Variants in NMT1 observed in about 807,000 individuals in gnomAD.
The protein encoded by NMT1 is N-myristoyltransferase 1.
In NMT1, 12 loss-of-function variants were observed where a neutral mutation model predicts 63.4. The ratio of observed to expected loss-of-function variants is 0.19; its 90% confidence interval spans 0.12 to 0.31. The LOEUF (loss-of-function observed/expected upper bound fraction) is 0.31, where lower values mean the gene tolerates loss of function less well. Among genes scored for constraint, NMT1 ranks in the 10% least tolerant of loss-of-function variants. NMT1 has a pLI of 1.00. For missense variants in NMT1, 432 were observed against 634.6 expected (o/e 0.68, Z 3.43); for synonymous variants, 228 against 234.3 (o/e 0.97, Z 0.25).
chr17:45,086,678 C>G (rs530826316), intron 3 of NMT1, 26 bp downstream of exon 3: 3 of 1,589,836 alleles, frequency 1.9e-6, no homozygotes, highest in Non-Finnish European at 2.6e-6. Flanking sequence ...CTTTCTTTGC[C>G]AGGTCAGGGG....
intron 3 of NMT1, 166 bp from the exon 4 acceptor site, chr17:45,093,519 G>T: frequency 3.4e-6 from 2 of 592,682 alleles, no homozygotes; most frequent in Non-Finnish European, 6.0e-6. Context: ...TCAGTTAGGG[G>T]CTAAGGGTAG....
At chr17:45,063,073 C>T (rs768271309) in intron 1 of NMT1, among the ~76,000 whole-genome samples, 2 of 151,770 alleles carry the variant, frequency 1.3e-5, no homozygotes, top group Non-Finnish European at 2.9e-5. Context: ...GGCGTGGTGG[C>T]GGGCGCCTGT....
At chr17:45,091,496 A>G (rs868431079) in intron 3 of NMT1, among the ~76,000 whole-genome samples, 2 of 152,182 alleles carry the variant, frequency 1.3e-5, no homozygotes, top group Non-Finnish European at 2.9e-5. Context: ...TTTTAGTACA[A>G]TAGGGAAGAC....
rs577385864 is a variant in NMT1, at chr17:45,085,944, C to G, written c.241-564C>G. ...TCAAGCAATTCTCGTGTCTCAGCCT[C>G]CTGAGTAGCTGGGATTACAGGGACA... On this transcript the variant is annotated intron_variant, in intron 2 of 11. Coordinates refer to ENST00000258960, the MANE Select transcript of NMT1 (RefSeq NM_021079.5). Among the ~76,000 whole-genome samples, 4 of 151,858 alleles carry G rather than the reference C, an allele frequency of 2.6e-5. No homozygotes were observed. In the South Asian group the frequency reaches 8.3e-4, roughly 32 times the overall value.
In NMT1 at chr17:45,097,128, G is replaced by A; in HGVS notation, c.597G>A (p.Trp199Ter). 1 of 1,613,850 alleles carries A rather than the reference G, an allele frequency of 6.2e-7. No individual in the cohort carries two copies. Among genetic ancestry groups the A allele is most frequent in the Non-Finnish European group, 8.5e-7 (1 of 1,179,720 alleles). The change falls in exon 6 of 12, where the codon TGG (tryptophan) becomes TGA (stop). Residue 199 changes from tryptophan to a stop codon, truncating the protein, a stop_gained and splice_region_variant. Coordinates refer to ENST00000258960, the MANE Select transcript of NMT1 (RefSeq NM_021079.5). LOFTEE classifies it high-confidence loss of function. Reference protein sequence around the residue: ...RFDYSPEFLLWALRPPGWLPQ... With the variant: ...RFDYSPEFLL ...AACCACCCCAGCCTCTCTTTTCCAG[G>A]GCTCTCCGGCCACCCGGCTGGCTCC...
Position 45,086,216 on chromosome 17 carries a change from C to G in NMT1, c.241-292C>G, listed in dbSNP as rs1468751839. ...TCGGTTCACTGCATCCTCTGCCTCC[C>G]AGGTTCAAGTGATTCTCCTGCCTCA... On this transcript the variant is annotated intron_variant, in intron 2 of 11. Coordinates refer to ENST00000258960, the MANE Select transcript of NMT1 (RefSeq NM_021079.5). 2.6e-5 allele frequency among the ~76,000 whole-genome samples: 4 copies of G among 151,208 alleles called. No individual in the cohort carries two copies. In the East Asian group the frequency reaches 5.8e-4, roughly 22 times the overall value.
At chr17:45,061,963 A>G (rs2053865457) in intron 1 of NMT1, 1 of 152,732 alleles carries the variant, frequency 6.5e-6, no homozygotes, top group Admixed American at 6.5e-5. Context: ...CAAAATATAA[A>G]CTCACCTTAT....
intron 1 of NMT1, among the ~76,000 whole-genome samples, chr17:45,069,771 C>T (rs1424142227): frequency 6.6e-6 from 1 of 151,950 alleles, no homozygotes; most frequent in Non-Finnish European, 1.5e-5. Flanking sequence ...TATGGACGTT[C>T]CCAAACTTGG....
At chr17:45,101,395 C>T (rs1367187572) in intron 8 of NMT1, among the ~76,000 whole-genome samples, 7 of 150,492 alleles carry the variant, frequency 4.7e-5, no homozygotes, top group South Asian at 4.2e-4. Flanking sequence ...CAGGACAAGG[C>T]GGGTGGATCA....
rs1366718155 is a variant in NMT1, at chr17:45,108,646, G to C, written c.*3007G>C. 2.0e-5 allele frequency: 3 copies of C among 152,578 alleles called. No individual in the cohort carries two copies. Among genetic ancestry groups the C allele is most frequent in the Non-Finnish European group, 4.4e-5 (3 of 68,064 alleles). The allele number at this position is 152,578 out of a possible 1,614,324, so 9.5% of individuals were successfully genotyped here. On this transcript the variant is annotated 3_prime_UTR_variant, in exon 12 of 12. Transcript: ENST00000258960. Reference sequence around the variant, plus strand: ...TTAGATCAGGGGAGGGAGCAGGAGTGTCCCTCCCGTCAGTGCCTACCCACC... The same window carrying C: ...TTAGATCAGGGGAGGGAGCAGGAGTCTCCCTCCCGTCAGTGCCTACCCACC...
At chr17:45,087,643 C>T (rs902476305) in intron 3 of NMT1, among the ~76,000 whole-genome samples, 2 of 152,160 alleles carry the variant, frequency 1.3e-5, no homozygotes, top group East Asian at 1.9e-4. Context: ...GGCCTAGTTC[C>T]TGTTTTCTTT....
rs764230766 is a variant in NMT1, at chr17:45,086,632, C to T, written c.365C>T (p.Thr122Met). The T allele has an allele frequency of 5.6e-6, 9 of 1,611,806 alleles. No homozygotes were observed. The highest frequency in any genetic ancestry group is 7.6e-6 in the Non-Finnish European group (9 of 1,179,012). Residue 122 changes from threonine to methionine, a missense_variant, in exon 3 of 12, where the codon ACG (threonine) becomes ATG (methionine). By Grantham distance (81) the Thr-to-Met change is moderately conservative. Around this residue, in one of 4 missense-constraint regions of NMT1, gnomAD observed 295 missense variants for 489.7 expected, o/e 0.60. Coordinates refer to ENST00000258960, the MANE Select transcript of NMT1 (RefSeq NM_021079.5). ...ASKRSYQFWDTQPVPKLGEVV... is the reference protein window; with the variant it reads ...ASKRSYQFWDMQPVPKLGEVV... Reference sequence around the variant, plus strand: ...AAGCGAAGCTACCAGTTCTGGGATACGCAGCCCGTCCCCAAGCTGGGTATG... The same window carrying T: ...AAGCGAAGCTACCAGTTCTGGGATATGCAGCCCGTCCCCAAGCTGGGTATG...
Position 45,093,607 on chromosome 17 carries a change from C to T in NMT1, c.386-78C>T. Reference sequence around the variant, plus strand: ...CTCCTAGGGACAGGAGGAATTTGCTCTGGTTGAGTTTTGAACTGAGCCCTT... The same window carrying T: ...CTCCTAGGGACAGGAGGAATTTGCTTTGGTTGAGTTTTGAACTGAGCCCTT... On this transcript the variant is annotated intron_variant, in intron 3 of 11. Transcript: ENST00000258960. 3 of 1,173,278 alleles carry T rather than the reference C, an allele frequency of 2.6e-6. No homozygotes were observed. The South Asian group carries it at 4.0e-5, about 16-fold the overall frequency. The allele number at this position is 1,173,278 out of a possible 1,614,324, so 72.7% of individuals were successfully genotyped here. A position where few individuals can be genotyped will look rare whatever the true frequency, so the allele number is the denominator to read the frequency against.
chr17:45,075,453 A>G (rs1368881188), intron 1 of NMT1, among the ~76,000 whole-genome samples: 1 of 149,922 alleles, frequency 6.7e-6, no homozygotes, highest in East Asian at 2.0e-4. Flanking sequence ...CCACTGCACT[A>G]GAGGCTGGGC....
At chr17:45,061,576 A>G in intron 1 of NMT1, 116 bp downstream of exon 1, 2 of 880,644 alleles carry the variant, frequency 2.3e-6, no homozygotes, top group South Asian at 3.6e-5. Flanking sequence ...TTATTGGCTA[A>G]GTCACTAGGA....
intron 3 of NMT1, among the ~76,000 whole-genome samples, chr17:45,092,024 A>G (rs2239919): frequency 0.72 from 108,928 of 152,016 alleles, 40,030 homozygotes; most frequent in African/African-American, 0.89. Context: ...CCATCTCGCC[A>G]GTCATGAGTT....
Position 45,096,298 on chromosome 17 carries a change from G to A in NMT1, c.596+13G>A, listed in dbSNP as rs376986198. ...AGTTTCTTTTGTGGTAAGTTGTGGGGGCTTTCTTGAGGTTCTTGAGAGGAA... is the reference window on the plus strand; with the variant it reads ...AGTTTCTTTTGTGGTAAGTTGTGGGAGCTTTCTTGAGGTTCTTGAGAGGAA... On this transcript the variant is annotated intron_variant, in intron 5 of 11. Coordinates refer to ENST00000258960, the MANE Select transcript of NMT1 (RefSeq NM_021079.5). The A allele has an allele frequency of 2.8e-5, 45 of 1,607,598 alleles. 1 individual carries two copies. The Middle Eastern group carries it at 2.0e-3, about 71-fold the overall frequency.
Position 45,104,361 on chromosome 17 carries a change from TCTG to T in NMT1, c.1332+488_1332+490del. On this transcript the variant is annotated intron_variant, in intron 10 of 11. Coordinates refer to ENST00000258960, the MANE Select transcript of NMT1 (RefSeq NM_021079.5). This position sits in a 1 kb window ranked among gnomAD's most constrained non-coding sequence, Gnocchi z 4.2. ...ATCTGGTCCCTGCCCTGTGAGAGCT[TCTG>T]CTCCAGTTGGTGAGGTTTAGGAAGC... 1 of 1,146,284 alleles carries T rather than the reference TCTG, an allele frequency of 8.7e-7. No individual in the cohort carries two copies. The highest frequency in any genetic ancestry group is 1.1e-6 in the Non-Finnish European group (1 of 924,386). The allele number at this position is 1,146,284 out of a possible 1,614,324, so 71.0% of individuals were successfully genotyped here. A position where few individuals can be genotyped will look rare whatever the true frequency, so the allele number is the denominator to read the frequency against.
rs569270064 is a variant in NMT1, at chr17:45,105,447, G to A, written c.1471-172G>A. 5.3e-5 allele frequency among the ~76,000 whole-genome samples: 8 copies of A among 152,270 alleles called. No individual in the cohort carries two copies. In the South Asian group the frequency reaches 1.5e-3, roughly 28 times the overall value. ...GTTTTCCCTGGGAGGTCTGATGGAC[G>A]TGTGAACCCTGGTGTGGAGGTTGAG... On this transcript the variant is annotated intron_variant, in intron 11 of 11. Coordinates refer to ENST00000258960, the MANE Select transcript of NMT1 (RefSeq NM_021079.5). The surrounding 1 kb of genome is among the most constrained non-coding windows in gnomAD (Gnocchi z 4.2).
Sources: allele counts gnomAD v4.1 joint callset (sites outside exome capture counted in the v4.1 genomes callset), GRCh38; gene constraint gnomAD v4.1.1; regional missense constraint gnomAD v4.1.1; non-coding constraint Gnocchi (gnomAD v3.1); transcripts MANE v1.5; gene names NCBI Gene and HGNC (gene_info 2026-07-23, HGNC 2026-07-21).